The following RAPGEF1 variants were observed in gnomAD, a reference collection of about 807,000 sequenced individuals.
RAPGEF1 encodes the protein CRK SH3-binding GNRP.
In RAPGEF1, 33 loss-of-function variants were observed where a neutral mutation model predicts 143.3. That is an observed-to-expected ratio of 0.23 (90% CI 0.17 to 0.31). The LOEUF (loss-of-function observed/expected upper bound fraction) is 0.31, where lower values mean the gene tolerates loss of function less well. Ranked by LOEUF, RAPGEF1 falls within the 10% of genes least tolerant of loss-of-function variation. The pLI is 1.00. For missense variants in RAPGEF1, 1,199 were observed against 1,645.4 expected, an observed-to-expected ratio of 0.73 and a Z score of 4.69; for synonymous variants, 629 against 676.5, an observed-to-expected ratio of 0.93 and a Z score of 1.09.
At chr9:131,665,503 C>A (rs995065093) in intron 1 of RAPGEF1, among the ~76,000 whole-genome samples, 2 of 152,090 alleles carry the variant, frequency 1.3e-5, no homozygotes, top group Non-Finnish European at 2.9e-5. Flanking sequence ...TCCTTGCCCT[C>A]CCCATTCTCA....
In RAPGEF1 at chr9:131,655,581, T is replaced by G. The variant is rs1009951580; in HGVS notation, c.62-4632A>C. Among the ~76,000 whole-genome samples the G allele has an allele frequency of 1.3e-5, 2 of 152,186 alleles. No individual in the cohort carries two copies. Among genetic ancestry groups the G allele is most frequent in the Non-Finnish European group, 2.9e-5 (2 of 68,032 alleles). Reference sequence around the variant, plus strand: ...TGGATGTGAACAGTCTAATCCTTCATGTGATGCTTAAGAGGGTGTGCACTG... The same window carrying G: ...TGGATGTGAACAGTCTAATCCTTCAGGTGATGCTTAAGAGGGTGTGCACTG... On this transcript the variant is annotated intron_variant, in intron 1 of 26. Coordinates refer to ENST00000683357, the MANE Select transcript of RAPGEF1 (RefSeq NM_001377935.1). The surrounding 1 kb of genome is among the most constrained non-coding windows in gnomAD (Gnocchi z 4.1).
chr9:131,679,788 C>G (rs1832756115), intron 1 of RAPGEF1, among the ~76,000 whole-genome samples: 1 of 152,208 alleles, frequency 6.6e-6, no homozygotes, highest in Non-Finnish European at 1.5e-5. Flanking sequence ...ACTAAGGTCC[C>G]CAGCTTCTTG....
At chr9:131,601,599 T>C (rs1440259217) in intron 15 of RAPGEF1, among the ~76,000 whole-genome samples, 5 of 152,114 alleles carry the variant, frequency 3.3e-5, no homozygotes, top group East Asian at 1.9e-4. Context: ...CTTGTATTAT[T>C]TGAGAATCAG....
chr9:131,737,522 G>C, intron 1 of RAPGEF1: 1 of 1,612,286 alleles, frequency 6.2e-7, no homozygotes, highest in South Asian at 1.1e-5. Flanking sequence ...CTAGCAGAAG[G>C]CGGTGCCCAG....
intron 12 of RAPGEF1, among the ~76,000 whole-genome samples, chr9:131,610,692 A>T (rs1486107109): frequency 2.0e-5 from 3 of 152,248 alleles, no homozygotes; most frequent in Non-Finnish European, 4.4e-5. Flanking sequence ...TGGGAGCCAC[A>T]GCTCAGCACT....
chr9:131,737,691 G>T (rs540847207), intron 1 of RAPGEF1, among the ~76,000 whole-genome samples: 1 of 152,088 alleles, frequency 6.6e-6, no homozygotes, highest in Non-Finnish European at 1.5e-5. Flanking sequence ...GAGGCCCAGC[G>T]CGGTGGCTCA....
intron 1 of RAPGEF1, among the ~76,000 whole-genome samples, chr9:131,684,240 G>C (rs544568646): frequency 3.7e-4 from 57 of 152,336 alleles, no homozygotes; most frequent in African/African-American, 1.3e-3. Flanking sequence ...TGGGAGACTA[G>C]CTTATGTACA....
intron 3 of RAPGEF1, among the ~76,000 whole-genome samples, chr9:131,646,428 C>T (rs1285791148): frequency 2.0e-5 from 3 of 152,200 alleles, no homozygotes; most frequent in African/African-American, 2.4e-5. Flanking sequence ...ACTAAGACCC[C>T]GATGGCAGAG....
In RAPGEF1 at chr9:131,726,536, G is replaced by A. The variant is rs148898303; in HGVS notation, c.61+13234C>T. 9.1e-3 allele frequency among the ~76,000 whole-genome samples: 1,391 copies of A among 152,138 alleles called. 14 individuals carry two copies. The highest frequency in any genetic ancestry group is 0.016 in the Non-Finnish European group (1,085 of 68,006). ...AGCTACTTGGGAGGCTGAAGCAGGA[G>A]AATCACCTGAGCCCAGGAGGCAGAG... On this transcript the variant is annotated intron_variant, in intron 1 of 26. Transcript: ENST00000683357.
intron 1 of RAPGEF1, among the ~76,000 whole-genome samples, chr9:131,737,984 AT>A (rs1431346711): frequency 1.4e-3 from 82 of 59,550 alleles, no homozygotes; most frequent in South Asian, 1.8e-3. Context: ...AAAAAAAAAA[AT>A]TTTTTTTAAA....
At chr9:131,639,284 T>C (rs994661525) in intron 4 of RAPGEF1, among the ~76,000 whole-genome samples, 1 of 152,166 alleles carries the variant, frequency 6.6e-6, no homozygotes, top group Non-Finnish European at 1.5e-5. Context: ...TTTATTAGAA[T>C]TCCTCCGTCA....
chr9:131,639,582 CG>C (rs1201021638), intron 4 of RAPGEF1, among the ~76,000 whole-genome samples: 20 of 152,036 alleles, frequency 1.3e-4, no homozygotes, highest in African/African-American at 4.1e-4. Flanking sequence ...ACATCTTTCA[CG>C]TATTTTTAAA....
chr9:131,679,258 A>G (rs1466237599), intron 1 of RAPGEF1, among the ~76,000 whole-genome samples: 1 of 152,218 alleles, frequency 6.6e-6, no homozygotes, highest in Non-Finnish European at 1.5e-5. Context: ...CAGGGAAGAC[A>G]AGCCTAAGGG....
In RAPGEF1 at chr9:131,628,450, C is replaced by A; in HGVS notation, c.1017+99G>T. 1 of 1,471,168 alleles carries A rather than the reference C, an allele frequency of 6.8e-7. No homozygotes were observed. The highest frequency in any genetic ancestry group is 9.2e-7 in the Non-Finnish European group (1 of 1,085,412). 91.1% of individuals were successfully genotyped at this position (1,471,168 alleles called of 1,614,324 possible). A position where few individuals can be genotyped will look rare whatever the true frequency, so the allele number is the denominator to read the frequency against. On this transcript the variant is annotated intron_variant, in intron 8 of 26. Coordinates refer to ENST00000683357, the MANE Select transcript of RAPGEF1 (RefSeq NM_001377935.1). The surrounding 1 kb of genome is among the most constrained non-coding windows in gnomAD (Gnocchi z 5.7). The stretch of plus-strand genomic sequence containing the variant: ...CACTCCTCGATGTGACAAACACCAG[C>A]GCCTGAAGACCATGGGTTTCTTTCA...
intron 17 of RAPGEF1, 77 bp downstream of exon 17, chr9:131,596,221 G>T: frequency 7.3e-7 from 1 of 1,378,042 alleles, no homozygotes; most frequent in Non-Finnish European, 1.0e-6. Context: ...GCCAGGAGGG[G>T]ACAGGATAGC....
At chr9:131,581,295 G>T (rs1334698917) in intron 25 of RAPGEF1, among the ~76,000 whole-genome samples, 1 of 152,232 alleles carries the variant, frequency 6.6e-6, no homozygotes, top group East Asian at 1.9e-4. Context: ...TAAGGAGACC[G>T]ATGTGGGAGG....
At chr9:131,635,504 C>G (rs1325287809) in intron 5 of RAPGEF1, among the ~76,000 whole-genome samples, 1 of 152,228 alleles carries the variant, frequency 6.6e-6, no homozygotes, top group Non-Finnish European at 1.5e-5. Context: ...CAACGCCCCT[C>G]CTCCAAGTGG....
chr9:131,681,957 A>G (rs571516163), intron 1 of RAPGEF1, among the ~76,000 whole-genome samples: 4 of 152,248 alleles, frequency 2.6e-5, no homozygotes, highest in African/African-American at 9.6e-5. Context: ...AGCTTTCGAC[A>G]ATGCTAATCC....
In RAPGEF1 at chr9:131,583,191, G is replaced by A. The variant is rs1449062612; in HGVS notation, c.3415-489C>T. ...GGCTGGGTGGCTTCTCTCCTGCAGG[G>A]GTGGGGGGCTCCCACCTAGGAGACT... On this transcript the variant is annotated intron_variant, in intron 24 of 26. Coordinates refer to ENST00000683357, the MANE Select transcript of RAPGEF1 (RefSeq NM_001377935.1). The surrounding 1 kb of genome is among the most constrained non-coding windows in gnomAD (Gnocchi z 4.7). Among the ~76,000 whole-genome samples the A allele has an allele frequency of 6.6e-6, 1 of 152,104 alleles. No individual in the cohort carries two copies. The highest frequency in any genetic ancestry group is 1.9e-4 in the East Asian group (1 of 5,166).
Sources: allele counts gnomAD v4.1 joint callset (sites outside exome capture counted in the v4.1 genomes callset), GRCh38; gene constraint gnomAD v4.1.1; non-coding constraint Gnocchi (gnomAD v3.1); transcripts MANE v1.5; gene names NCBI Gene and HGNC (gene_info 2026-07-23, HGNC 2026-07-21).